Variants in MFAP5 observed in about 807,000 individuals in gnomAD.
The protein encoded by MFAP5 is microfibrillar-associated protein 5.
In MFAP5, 19 loss-of-function variants were observed where a neutral mutation model predicts 30.1. That is an observed-to-expected ratio of 0.63 (90% CI 0.44 to 0.93). The LOEUF (loss-of-function observed/expected upper bound fraction) is 0.93. MFAP5 is among the 40% of genes least tolerant of loss of function. The probability of loss-of-function intolerance (pLI) is 0.00; values close to 1 mark genes in which losing one functional copy is unlikely to be tolerated. For synonymous variants in MFAP5, 92 were observed against 72.9 expected, an observed-to-expected ratio of 1.26 and a Z score of -1.33; for missense variants, 210 against 221.3, an observed-to-expected ratio of 0.95 and a Z score of 0.32.
intron 9 of MFAP5, among the ~76,000 whole-genome samples, chr12:8,648,895 C>T (rs745537205): frequency 1.3e-5 from 2 of 152,328 alleles, no homozygotes; most frequent in Non-Finnish European, 2.9e-5. Context: ...TTTGTTTCCA[C>T]CATGTATGGT....
intron 3 of MFAP5, 97 bp downstream of exon 3, chr12:8,660,766 G>A: frequency 1.8e-6 from 1 of 551,406 alleles, no homozygotes; most frequent in South Asian, 4.9e-5. Context: ...TTTTTTTTTT[G>A]GCAGCGATAG....
intron 2 of MFAP5, 88 bp from the exon 3 acceptor site, chr12:8,660,986 G>GA: frequency 8.8e-7 from 1 of 1,138,706 alleles, no homozygotes. Context: ...AAATCATGGA[G>GA]AAATGGTTAT....
intron 6 of MFAP5, 187 bp downstream of exon 6, chr12:8,654,250 G>T: frequency 1.8e-6 from 1 of 547,056 alleles, no homozygotes; most frequent in Non-Finnish European, 3.2e-6. Flanking sequence ...AGAAAGATTA[G>T]CACAGTTCCT....
intron 9 of MFAP5, 121 bp from the exon 10 acceptor site, chr12:8,648,324 G>A (rs368275458): frequency 1.8e-5 from 17 of 962,476 alleles, no homozygotes; most frequent in African/African-American, 1.5e-4. Flanking sequence ...AAAAAGATCC[G>A]GGTTTTAACC....
chr12:8,661,710 A>G (rs1942156953), intron 2 of MFAP5, among the ~76,000 whole-genome samples: 1 of 151,386 alleles, frequency 6.6e-6, no homozygotes, highest in African/African-American at 2.4e-5. Context: ...TCCCTCCTCT[A>G]TGTTTGTGTA....
intron 6 of MFAP5, among the ~76,000 whole-genome samples, chr12:8,652,508 G>A (rs1322017045): frequency 6.6e-6 from 1 of 151,844 alleles, no homozygotes; most frequent in Non-Finnish European, 1.5e-5. Context: ...CTAACCTAGG[G>A]GCAAATTTAA....
At chr12:8,657,566 CTTTTTT>C (rs35916052) in intron 3 of MFAP5, among the ~76,000 whole-genome samples, 1 of 128,108 alleles carries the variant, frequency 7.8e-6, no homozygotes, top group African/African-American at 3.1e-5. Flanking sequence ...TTTGCTTTGA[CTTTTTT>C]TTTTTTTTTT....
At chr12:8,651,858 G>T in intron 6 of MFAP5, 167 bp from the exon 7 acceptor site, 1 of 626,712 alleles carries the variant, frequency 1.6e-6, no homozygotes, top group Non-Finnish European at 2.8e-6. Flanking sequence ...GAGCTGATTT[G>T]CTCCACAAAA....
intron 4 of MFAP5, 67 bp from the exon 5 acceptor site, chr12:8,655,514 AG>A (rs1941957294): frequency 9.3e-6 from 14 of 1,502,332 alleles, no homozygotes; most frequent in Non-Finnish European, 1.2e-5. Context: ...AAGCAGGATA[AG>A]GGGACGATGA....
At chr12:8,650,950 T>G (rs893377891) in intron 7 of MFAP5, among the ~76,000 whole-genome samples, 2 of 152,172 alleles carry the variant, frequency 1.3e-5, no homozygotes, top group African/African-American at 4.8e-5. Flanking sequence ...GCAGATCACC[T>G]GAAGTCAGGA....
chr12:8,661,882 CT>C (rs1942160776), intron 2 of MFAP5, among the ~76,000 whole-genome samples, 164 bp downstream of exon 2: 2 of 152,130 alleles, frequency 1.3e-5, no homozygotes, highest in Non-Finnish European at 1.5e-5. Context: ...CATTCCTGAA[CT>C]TTTTTTCTTA....
chr12:8,655,769 A>G lies in MFAP5; in HGVS notation c.139+17T>C. 1 of 1,376,466 alleles carries G rather than the reference A, an allele frequency of 7.3e-7. No homozygotes were observed. Among genetic ancestry groups the G allele is most frequent in the South Asian group, 1.2e-5 (1 of 82,512 alleles). 85.3% of individuals were successfully genotyped at this position (1,376,466 alleles called of 1,614,324 possible). On this transcript the variant is annotated intron_variant, in intron 4 of 9. Coordinates refer to ENST00000359478, the MANE Select transcript of MFAP5 (RefSeq NM_003480.4). ...AATAAAACAGCAAACAAACAAACAA[A>G]CAAAAGTGTAGCTTACTAGGATCTT...
At position 8,648,053 on chromosome 12, in the gene MFAP5, C is replaced by A; in HGVS notation, c.*38G>T. On this transcript the variant is annotated 3_prime_UTR_variant, in exon 10 of 10. Transcript: ENST00000359478. ...AGAAGAAGGAGATCCTCCTTCCTCT[C>A]ACCCATACATTTTTTCTTCTTTCCT... is the stretch of plus-strand genomic sequence containing the variant. 1 of 1,476,722 alleles carries A rather than the reference C, an allele frequency of 6.8e-7. No homozygotes were observed. Among genetic ancestry groups the A allele is most frequent in the South Asian group, 1.1e-5 (1 of 87,202 alleles). 91.5% of individuals were successfully genotyped at this position (1,476,722 alleles called of 1,614,324 possible).
At chr12:8,651,054 C>G (rs1941825189) in intron 7 of MFAP5, among the ~76,000 whole-genome samples, 2 of 152,190 alleles carry the variant, frequency 1.3e-5, no homozygotes, top group Non-Finnish European at 2.9e-5. Flanking sequence ...GTAATCTCAG[C>G]TACTCGGGAG....
Position 8,648,088 on chromosome 12 carries a change from T to A in MFAP5, c.*3A>T. 1.2e-6 allele frequency: 2 copies of A among 1,606,634 alleles called. No homozygotes were observed. The highest frequency in any genetic ancestry group is 1.1e-5 in the South Asian group (1 of 90,510). ...TTTTTTCTTCTTTCCTCTTTTTCAA[T>A]GATCACAGACCATTGGGTCTCTGCA... On this transcript the variant is annotated 3_prime_UTR_variant, in exon 10 of 10. Coordinates refer to ENST00000359478, the MANE Select transcript of MFAP5 (RefSeq NM_003480.4).
At chr12:8,656,649 C>CATACACACACACATAT (rs1942004998) in intron 3 of MFAP5, among the ~76,000 whole-genome samples, 1 of 109,076 alleles carries the variant, frequency 9.2e-6, no homozygotes, top group African/African-American at 3.5e-5. Context: ...CACACACACA[C>CATACACACACACATAT]ATATATATAT....
rs896173754 is a variant in MFAP5 at position 8,657,054 on chromosome 12, T to C, written c.95-1224A>G. Among the ~76,000 whole-genome samples the C allele has an allele frequency of 5.9e-5, 9 of 152,330 alleles. 1 individual carries two copies. The highest frequency in any genetic ancestry group is 6.8e-3 in the Middle Eastern group (2 of 294). On this transcript the variant is annotated intron_variant, in intron 3 of 9. Coordinates refer to ENST00000359478, the MANE Select transcript of MFAP5 (RefSeq NM_003480.4). ...ATACAAAAAAGGAAACTAATGAGGA[T>C]ATGGATATGTGAATTTGCTTGACTG...
chr12:8,651,812 A>G, intron 6 of MFAP5, 121 bp from the exon 7 acceptor site: 1 of 871,758 alleles, frequency 1.1e-6, no homozygotes, highest in East Asian at 2.4e-5. Context: ...AAATGAATTA[A>G]TAACTCTTAG....
chr12:8,650,978 C>T (rs980090239), intron 7 of MFAP5, among the ~76,000 whole-genome samples: 1 of 152,056 alleles, frequency 6.6e-6, no homozygotes, highest in Non-Finnish European at 1.5e-5. Flanking sequence ...ACCAGCCTGG[C>T]CAACAAGGTA....
Sources: gnomAD v4.1 joint callset for allele counts (sites outside exome capture counted in the v4.1 genomes callset) on GRCh38, gnomAD v4.1.1 for gene constraint, MANE v1.5 for transcripts, NCBI Gene and HGNC (gene_info 2026-07-23, HGNC 2026-07-21) for gene names.